The following PLPPR4 variants were observed in gnomAD, a reference collection of about 807,000 sequenced individuals.
PLPPR4 encodes phospholipid phosphatase-related protein type 4.
In PLPPR4, 24 loss-of-function variants were observed where a neutral mutation model predicts 56.6. The observed-to-expected ratio is 0.42, with a 90% confidence interval of 0.31 to 0.60. The LOEUF is 0.60. Ranked by LOEUF, PLPPR4 falls within the 20% of genes least tolerant of loss-of-function variation. The probability of loss-of-function intolerance (pLI) is 0.13; values close to 1 mark genes in which losing one functional copy is unlikely to be tolerated. For missense variants in PLPPR4, 654 were observed against 885.8 expected (o/e 0.74, Z 3.32); for synonymous variants, 326 against 328.1 (o/e 0.99, Z 0.07).
intron 2 of PLPPR4, among the ~76,000 whole-genome samples, chr1:99,292,781 A>AT (rs970426318): frequency 5.0e-4 from 75 of 150,450 alleles, no homozygotes; most frequent in African/African-American, 1.7e-3. Context: ...CTCTACTTTC[A>AT]TTTTTTTTTC....
rs1660077743 is a variant in PLPPR4, at chr1:99,307,930, T to C, written c.*920T>C. 6.6e-6 allele frequency: 1 copy of C among 152,176 alleles called. No individual in the cohort carries two copies. The highest frequency in any genetic ancestry group is 2.4e-5 in the African/African-American group (1 of 41,438). The allele number at this position is 152,176 out of a possible 1,614,324, so 9.4% of individuals were successfully genotyped here. ...TAATTTTTTGAAGTTATAGATATGT[T>C]CTCCTATTTTAAAAGCAAAAATAAC... is the stretch of plus-strand genomic sequence containing the variant. On this transcript the variant is annotated 3_prime_UTR_variant, in exon 7 of 7. Coordinates refer to ENST00000370185, the MANE Select transcript of PLPPR4 (RefSeq NM_014839.5).
intron 1 of PLPPR4, among the ~76,000 whole-genome samples, chr1:99,269,205 T>C (rs1404448388): frequency 6.6e-6 from 1 of 152,210 alleles, no homozygotes; most frequent in East Asian, 1.9e-4. Context: ...GTTAGTTTGC[T>C]GAGAATGATG....
At chr1:99,289,779 A>T (rs1659568937) in intron 2 of PLPPR4, among the ~76,000 whole-genome samples, 1 of 152,142 alleles carries the variant, frequency 6.6e-6, no homozygotes, top group Non-Finnish European at 1.5e-5. Context: ...TAAACTAGGT[A>T]TTGAGGGAAC....
At chr1:99,264,154 C>T (rs1445840032), upstream of PLPPR4, 2 of 447,226 alleles carry the variant, frequency 4.5e-6, no homozygotes, top group African/African-American at 2.1e-5. Context: ...CAGGAGGAGA[C>T]TAGGTGGCTT....
At chr1:99,301,955 A>C in intron 6 of PLPPR4, 58 bp downstream of exon 6, 2 of 1,306,954 alleles carry the variant, frequency 1.5e-6, no homozygotes, top group Middle Eastern at 1.9e-4. Context: ...CATGCATAGA[A>C]TATTTTGCAC....
chr1:99,305,949 G>T lies in PLPPR4; in HGVS notation c.1087G>T (p.Val363Phe), dbSNP rs1570927059. The T allele has an allele frequency of 6.2e-7, 1 of 1,613,970 alleles. No homozygotes were observed. Among genetic ancestry groups the T allele is most frequent in the African/African-American group, 1.3e-5 (1 of 74,890 alleles). Reference protein sequence around the residue: ...PRSPMGKENMVTFSNTLPRAN... With the variant: ...PRSPMGKENMFTFSNTLPRAN... Reference sequence around the variant, plus strand: ...GAGCCCCATGGGGAAGGAGAACATGGTTACCTTCAGCAATACCTTGCCGCG... The same window carrying T: ...GAGCCCCATGGGGAAGGAGAACATGTTTACCTTCAGCAATACCTTGCCGCG... Residue 363 changes from valine to phenylalanine, a missense_variant, in exon 7 of 7, where the codon GTT becomes TTT. Transcript: ENST00000370185.
rs1366034362 is a variant in PLPPR4 at position 99,307,341 on chromosome 1, T to C, written c.*331T>C. ...TTTTACTTCCTGAATGTGCCAACTT[T>C]GGGGATTTTTCTTTATAGTGAGCTG... On this transcript the variant is annotated 3_prime_UTR_variant, in exon 7 of 7. Coordinates refer to ENST00000370185, the MANE Select transcript of PLPPR4 (RefSeq NM_014839.5). 3 of 254,314 alleles carry C rather than the reference T, an allele frequency of 1.2e-5. No individual in the cohort carries two copies. In the Admixed American group the frequency reaches 1.5e-4, roughly 13 times the overall value. The allele number at this position is 254,314 out of a possible 1,614,324, so 15.8% of individuals were successfully genotyped here. A position where few individuals can be genotyped will look rare whatever the true frequency, so the allele number is the denominator to read the frequency against.
chr1:99,273,126 A>G (rs1010988128), intron 1 of PLPPR4, among the ~76,000 whole-genome samples: 1 of 152,142 alleles, frequency 6.6e-6, no homozygotes, highest in Non-Finnish European at 1.5e-5. Context: ...GGATAGAAAT[A>G]CTAATTTTGG....
chr1:99,294,338 C>A (rs531030442), intron 2 of PLPPR4, among the ~76,000 whole-genome samples: 1 of 152,140 alleles, frequency 6.6e-6, no homozygotes, highest in East Asian at 1.9e-4. Context: ...ATTACATGGT[C>A]TAGACAAATA....
intron 6 of PLPPR4, among the ~76,000 whole-genome samples, chr1:99,303,627 G>C (rs1365137360): frequency 6.6e-6 from 1 of 152,160 alleles, no homozygotes; most frequent in Non-Finnish European, 1.5e-5. Context: ...CAATCATGTG[G>C]TCTTAGTGCC....
chr1:99,299,661 T>C (rs1659830926), intron 4 of PLPPR4, among the ~76,000 whole-genome samples: 1 of 152,052 alleles, frequency 6.6e-6, no homozygotes, highest in Non-Finnish European at 1.5e-5. Flanking sequence ...TTTTCCTTTT[T>C]GTAAAGTTTG....
intron 1 of PLPPR4, among the ~76,000 whole-genome samples, chr1:99,287,405 C>T (rs550761368): frequency 1.3e-5 from 2 of 152,106 alleles, no homozygotes; most frequent in Admixed American, 1.3e-4. Flanking sequence ...GGGTATATAC[C>T]CAGTAATGGG....
rs761574169 is a variant in PLPPR4, at chr1:99,305,744, C to T, written c.882C>T (p.Asp294=). 1.9e-6 allele frequency: 3 copies of T among 1,613,916 alleles called. No individual in the cohort carries two copies. In the South Asian group the frequency reaches 3.3e-5, roughly 18 times the overall value. The change falls in exon 7 of 7, where the codon GAC becomes GAT. Residue 294 remains aspartate, a synonymous_variant. Coordinates refer to ENST00000370185, the MANE Select transcript of PLPPR4 (RefSeq NM_014839.5). ...PSDESMFQHR[D]ALRSLTDLNQ... is the part of the protein sequence containing the mutation. Reference sequence around the variant, plus strand: ...ATGAGAGTATGTTTCAGCACAGAGACGCCCTCAGGTCTCTGACAGACCTCA... The same window carrying T: ...ATGAGAGTATGTTTCAGCACAGAGATGCCCTCAGGTCTCTGACAGACCTCA...
At chr1:99,289,289 AG>A (rs1659556388) in intron 2 of PLPPR4, among the ~76,000 whole-genome samples, 1 of 152,130 alleles carries the variant, frequency 6.6e-6, no homozygotes, top group Admixed American at 6.6e-5. Context: ...GTTTAAGAAG[AG>A]TCTCTGCACA....
Position 99,307,714 on chromosome 1 carries a change from G to T in PLPPR4, c.*704G>T, listed in dbSNP as rs886822515. ...AAAATTGTGTAGAAATATTTTCAGT[G>T]AAAGGGAATAACTAGTACTTTTCTG... On this transcript the variant is annotated 3_prime_UTR_variant, in exon 7 of 7. Transcript: ENST00000370185. The T allele has an allele frequency of 1.3e-5, 2 of 152,190 alleles. No individual in the cohort carries two copies. The highest frequency in any genetic ancestry group is 2.9e-5 in the Non-Finnish European group (2 of 68,036). 9.4% of individuals were successfully genotyped at this position (152,190 alleles called of 1,614,324 possible). A position where few individuals can be genotyped will look rare whatever the true frequency, so the allele number is the denominator to read the frequency against.
intron 1 of PLPPR4, among the ~76,000 whole-genome samples, chr1:99,269,960 C>G (rs1217342145): frequency 4.6e-5 from 7 of 151,340 alleles, no homozygotes; most frequent in Admixed American, 4.6e-4. Context: ...ATTTTAATCT[C>G]AAAAAATTAA....
At position 99,283,968 on chromosome 1, in the gene PLPPR4, A is replaced by C. The variant is rs76971057; in HGVS notation, c.79-3997A>C. Among the ~76,000 whole-genome samples the C allele has an allele frequency of 3.8e-3, 579 of 152,262 alleles. 4 individuals carry two copies. The highest frequency in any genetic ancestry group is 6.8e-3 in the Non-Finnish European group (461 of 67,994). On this transcript the variant is annotated intron_variant, in intron 1 of 6. Coordinates refer to ENST00000370185, the MANE Select transcript of PLPPR4 (RefSeq NM_014839.5). ...CTCTGTCTCAGAAAACAAAAAAACA[A>C]AACAAAAAAAGCTTGGTTCACACTT...
chr1:99,267,820 G>T (rs560542686), intron 1 of PLPPR4, among the ~76,000 whole-genome samples: 33 of 152,262 alleles, frequency 2.2e-4, no homozygotes, highest in East Asian at 1.4e-3. Context: ...TGACACAAAT[G>T]GGGAGAGTGA....
chr1:99,266,981 GC>G (rs139480530), intron 1 of PLPPR4, among the ~76,000 whole-genome samples: 2,206 of 152,320 alleles, frequency 0.014, 28 homozygotes, highest in African/African-American at 0.038. Flanking sequence ...ATGACACTTT[GC>G]TTTACAGCAT....
Sources: allele counts gnomAD v4.1 joint callset (sites outside exome capture counted in the v4.1 genomes callset), GRCh38; gene constraint gnomAD v4.1.1; transcripts MANE v1.5; gene names NCBI Gene and HGNC (gene_info 2026-07-23, HGNC 2026-07-21).